RNF43: variants seen among roughly 807,000 people sequenced by gnomAD.
RNF43 encodes E3 ubiquitin-protein ligase RNF43.
In RNF43, 37 loss-of-function variants were observed where a neutral mutation model predicts 78.4. That is an observed-to-expected ratio of 0.47 (90% CI 0.36 to 0.62). The LOEUF (loss-of-function observed/expected upper bound fraction) is 0.62, where lower values mean the gene tolerates loss of function less well. Among genes scored for constraint, RNF43 ranks in the 20% least tolerant of loss-of-function variants. RNF43 has a pLI of 0.00. For synonymous variants in RNF43, 347 were observed against 395.0 expected (o/e 0.88, Z 1.44); for missense variants, 774 against 1,007.9 (o/e 0.77, Z 3.14).
At chr17:58,404,766 T>A (rs140274836) in intron 2 of RNF43, among the ~76,000 whole-genome samples, 1 of 152,324 alleles carries the variant, frequency 6.6e-6, no homozygotes, top group East Asian at 1.9e-4. Flanking sequence ...ATTTCTTCCC[T>A]TATGGAATGC....
intron 2 of RNF43, among the ~76,000 whole-genome samples, chr17:58,387,093 G>A (rs1973454776): frequency 6.6e-6 from 1 of 152,102 alleles, no homozygotes; most frequent in South Asian, 2.1e-4. Context: ...GGTCCACTTT[G>A]GTCCATTTCT....
chr17:58,363,160 A>G, intron 5 of RNF43, 115 bp downstream of exon 5: 1 of 1,303,398 alleles, frequency 7.7e-7, no homozygotes, highest in Middle Eastern at 1.9e-4. Context: ...AAGTTGGACT[A>G]GAGGGTTTCC....
chr17:58,354,272 A>G lies in RNF43; in HGVS notation c.*671T>C, dbSNP rs946138395. 4.5e-5 allele frequency: 9 copies of G among 200,350 alleles called. No homozygotes were observed. Among genetic ancestry groups the G allele is most frequent in the South Asian group, 1.9e-4 (1 of 5,216 alleles). 12.4% of individuals were successfully genotyped at this position (200,350 alleles called of 1,614,324 possible). A position where few individuals can be genotyped will look rare whatever the true frequency, so the allele number is the denominator to read the frequency against. On this transcript the variant is annotated 3_prime_UTR_variant, in exon 10 of 10. Transcript: ENST00000407977. The stretch of plus-strand genomic sequence containing the variant: ...AAGGAGGAGTTTTTCCCTCCCCACT[A>G]TTCTTATTCTCAACCCCCAGAGGAA...
intron 2 of RNF43, among the ~76,000 whole-genome samples, chr17:58,396,171 A>G (rs775900009): frequency 7.9e-5 from 12 of 152,234 alleles, no homozygotes; most frequent in Non-Finnish European, 1.3e-4. Flanking sequence ...CAACCTAAAA[A>G]AGACCAACGT....
chr17:58,393,395 A>C (rs951006833), intron 2 of RNF43, among the ~76,000 whole-genome samples: 5 of 152,214 alleles, frequency 3.3e-5, no homozygotes, highest in African/African-American at 9.6e-5. Context: ...CATCCAGAGC[A>C]AAACTCCATC....
At chr17:58,375,470 G>A (rs941471339) in intron 2 of RNF43, among the ~76,000 whole-genome samples, 2 of 152,128 alleles carry the variant, frequency 1.3e-5, no homozygotes, top group Admixed American at 6.5e-5. Context: ...TTACCCCACG[G>A]TATTGTAATT....
chr17:58,367,732 G>A (rs151255394), intron 3 of RNF43, among the ~76,000 whole-genome samples: 95 of 152,298 alleles, frequency 6.2e-4, no homozygotes, highest in Middle Eastern at 3.4e-3. Context: ...GTGGGGTGGT[G>A]ACAAGAATGG....
Position 58,354,245 on chromosome 17 carries a change from T to C in RNF43, c.*698A>G, listed in dbSNP as rs1972637434. The C allele has an allele frequency of 4.9e-6, 1 of 202,204 alleles. No individual in the cohort carries two copies. Among genetic ancestry groups the C allele is most frequent in the African/African-American group, 2.3e-5 (1 of 43,666 alleles). The allele number at this position is 202,204 out of a possible 1,614,324, so 12.5% of individuals were successfully genotyped here. A position where few individuals can be genotyped will look rare whatever the true frequency, so the allele number is the denominator to read the frequency against. ...TCTGGGACTCTGAGACAGGAAATCT[T>C]CAAGGAGGAGTTTTTCCCTCCCCAC... On this transcript the variant is annotated 3_prime_UTR_variant, in exon 10 of 10. Transcript: ENST00000407977.
At chr17:58,363,500 T>C (rs1348848188) in intron 4 of RNF43, 26 bp downstream of exon 4, 15 of 1,610,904 alleles carry the variant, frequency 9.3e-6, no homozygotes, top group Non-Finnish European at 1.2e-5. Flanking sequence ...AGCCCCCACC[T>C]TGAACACGCA....
At chr17:58,415,077 C>T (rs1974095765) in intron 2 of RNF43, among the ~76,000 whole-genome samples, 1 of 152,114 alleles carries the variant, frequency 6.6e-6, no homozygotes, top group African/African-American at 2.4e-5. Flanking sequence ...TTATGTCTAT[C>T]TAAGTAGTTA....
At chr17:58,362,126 T>A (rs1025020333) in intron 6 of RNF43, among the ~76,000 whole-genome samples, 2 of 152,090 alleles carry the variant, frequency 1.3e-5, no homozygotes, top group East Asian at 1.9e-4. Flanking sequence ...AAAACCTTGT[T>A]CCCTTGCATT....
chr17:58,361,753 T>C lies in RNF43; in HGVS notation c.687+791A>G, dbSNP rs1030482124. 2.6e-5 allele frequency among the ~76,000 whole-genome samples: 4 copies of C among 152,168 alleles called. No individual in the cohort carries two copies. In the South Asian group the frequency reaches 8.3e-4, roughly 31 times the overall value. ...TGTTCCAGCCACAGCCTTCATGCTG[T>C]TCCTCAGATACACTAGACACATTTC... On this transcript the variant is annotated intron_variant, in intron 6 of 9. Transcript: ENST00000407977.
intron 2 of RNF43, among the ~76,000 whole-genome samples, chr17:58,398,988 GT>G (rs776351435): frequency 7.2e-5 from 11 of 152,170 alleles, no homozygotes; most frequent in Non-Finnish European, 1.6e-4. Context: ...AAAGGAAAAT[GT>G]TTGCCCTTCT....
intron 3 of RNF43, among the ~76,000 whole-genome samples, chr17:58,367,402 G>A (rs1197172942): frequency 6.6e-6 from 1 of 152,176 alleles, no homozygotes; most frequent in East Asian, 1.9e-4. Flanking sequence ...CTTTTGAGGT[G>A]GGAAACTGAG....
At chr17:58,363,710 G>T (rs948703359) in intron 3 of RNF43, 110 bp from the exon 4 acceptor site, 18 of 821,770 alleles carry the variant, frequency 2.2e-5, no homozygotes, top group Admixed American at 1.8e-4. Flanking sequence ...TATGCCCACA[G>T]CACATCTTTG....
At chr17:58,382,492 T>C (rs1973341539) in intron 2 of RNF43, among the ~76,000 whole-genome samples, 1 of 152,236 alleles carries the variant, frequency 6.6e-6, no homozygotes, top group East Asian at 1.9e-4. Flanking sequence ...TTAGAGTATC[T>C]TGACCTCATC....
chr17:58,376,821 G>C (rs780342324), intron 2 of RNF43, among the ~76,000 whole-genome samples: 3 of 152,126 alleles, frequency 2.0e-5, no homozygotes, highest in African/African-American at 4.8e-5. Flanking sequence ...GAAACTTGGT[G>C]AATTTGACTT....
At chr17:58,404,832 A>G (rs914271402) in intron 2 of RNF43, among the ~76,000 whole-genome samples, 1 of 152,176 alleles carries the variant, frequency 6.6e-6, no homozygotes, top group Non-Finnish European at 1.5e-5. Flanking sequence ...AAAACTTCCA[A>G]TATGTTGAAT....
chr17:58,394,260 A>G (rs1973625792), intron 2 of RNF43, among the ~76,000 whole-genome samples: 1 of 152,242 alleles, frequency 6.6e-6, no homozygotes, highest in South Asian at 2.1e-4. Flanking sequence ...GTAAAACTAC[A>G]AAAGGAAACC....
Sources: gnomAD v4.1 joint callset for allele counts (sites outside exome capture counted in the v4.1 genomes callset) on GRCh38, gnomAD v4.1.1 for gene constraint, MANE v1.5 for transcripts, NCBI Gene and HGNC (gene_info 2026-07-23, HGNC 2026-07-21) for gene names.